Variants in SFXN5 observed in about 807,000 individuals in gnomAD.
SFXN5 encodes sideroflexin-5.
Under a neutral mutation model 50.2 loss-of-function variants are expected in SFXN5, and 43 were observed. The observed-to-expected ratio is 0.86, with a 90% confidence interval of 0.67 to 1.11. The LOEUF (loss-of-function observed/expected upper bound fraction) is 1.11, where lower values mean the gene tolerates loss of function less well. Ranked by LOEUF, SFXN5 falls within the 50% of genes least tolerant of loss-of-function variation. The pLI, the probability that SFXN5 is intolerant of heterozygous loss-of-function variation, is 0.00. For synonymous variants in SFXN5, 203 were observed against 185.8 expected, an observed-to-expected ratio of 1.09 and a Z score of -0.75; for missense variants, 463 against 454.1, an observed-to-expected ratio of 1.02 and a Z score of -0.18.
intron 2 of SFXN5, among the ~76,000 whole-genome samples, chr2:73,042,791 C>CA (rs1478313273): frequency 6.6e-6 from 1 of 150,740 alleles, no homozygotes; most frequent in Non-Finnish European, 1.5e-5. Flanking sequence ...GACCCTATCT[C>CA]AAAAAACAAC....
chr2:72,995,548 A>G (rs1673121315), intron 9 of SFXN5, among the ~76,000 whole-genome samples: 1 of 151,886 alleles, frequency 6.6e-6, no homozygotes, highest in Non-Finnish European at 1.5e-5. Context: ...GCTGGCCTCC[A>G]CTCCAGTTTG....
chr2:72,976,188 T>G (rs1225638684), intron 10 of SFXN5, among the ~76,000 whole-genome samples: 3 of 152,152 alleles, frequency 2.0e-5, no homozygotes, highest in South Asian at 4.1e-4. Context: ...GGAATTCAAT[T>G]TGAGAATTAG....
chr2:72,999,155 A>G, intron 8 of SFXN5, 141 bp from the exon 9 acceptor site: 1 of 787,178 alleles, frequency 1.3e-6, no homozygotes, highest in African/African-American at 1.7e-5. Flanking sequence ...CTCAGGACTC[A>G]AAGGGATCAG....
intron 1 of SFXN5, chr2:73,059,205 G>C (rs1188347230): frequency 1.0e-6 from 1 of 985,922 alleles, no homozygotes; most frequent in African/African-American, 1.7e-5. Context: ...AGGGCTTTAT[G>C]CTAAGCGCAG....
At chr2:72,998,688 C>G (rs1369308019) in intron 9 of SFXN5, 2 of 518,306 alleles carry the variant, frequency 3.9e-6, no homozygotes, top group East Asian at 3.3e-5. Flanking sequence ...CAGCCCCACT[C>G]AAGACAGATG....
At chr2:73,006,715 A>G (rs955293544) in intron 6 of SFXN5, among the ~76,000 whole-genome samples, 14 of 152,248 alleles carry the variant, frequency 9.2e-5, no homozygotes, top group Non-Finnish European at 1.9e-4. Flanking sequence ...TAGCTAATAC[A>G]CAGCTTACTA....
chr2:72,961,350 G>A lies in SFXN5; in HGVS notation c.828-102C>T, dbSNP rs544011765. 51 of 725,496 alleles carry A rather than the reference G, an allele frequency of 7.0e-5. No homozygotes were observed. Among genetic ancestry groups the A allele is most frequent in the African/African-American group, 9.2e-5 (5 of 54,248 alleles). The allele number at this position is 725,496 out of a possible 1,614,324, so 44.9% of individuals were successfully genotyped here. A position where few individuals can be genotyped will look rare whatever the true frequency, so the allele number is the denominator to read the frequency against. ...CACTCTGTCTCTGGGCCCAGGAAGC[G>A]TGGTTCCGGGGCAGTGCCAGTGTGC... On this transcript the variant is annotated intron_variant, in intron 12 of 13. Transcript: ENST00000272433. This position sits in a 1 kb window ranked among gnomAD's most constrained non-coding sequence, Gnocchi z 4.4.
chr2:73,020,291 C>G, intron 5 of SFXN5, 27 bp from the exon 6 acceptor site: 1 of 1,613,430 alleles, frequency 6.2e-7, no homozygotes, highest in South Asian at 1.1e-5. Flanking sequence ...AAGAGTCAGG[C>G]CTTATAATCC....
chr2:72,966,337 C>CA (rs1317645218), intron 12 of SFXN5, among the ~76,000 whole-genome samples: 2 of 152,216 alleles, frequency 1.3e-5, no homozygotes, highest in Non-Finnish European at 2.9e-5. Context: ...CAAGACTCAG[C>CA]AATCTCAAGG....
In SFXN5 at chr2:73,000,445, G is replaced by A. The variant is rs747949729; in HGVS notation, c.454C>T (p.Arg152Cys). 1.2e-5 allele frequency: 18 copies of A among 1,559,292 alleles called. No individual in the cohort carries two copies. Among genetic ancestry groups the A allele is most frequent in the Middle Eastern group, 3.3e-4 (2 of 6,020 alleles). ...GTGATGCTCACCTTGGTCGCATTGC[G>A]GTTTGCATAGTTGACACAGGCATTG... ...SHNACVNYAN[R>C]NATKPSPASK... The change falls in exon 8 of 14, where the codon CGC becomes TGC. Residue 152 changes from arginine to cysteine, a missense_variant. Transcript: ENST00000272433.
intron 1 of SFXN5, among the ~76,000 whole-genome samples, chr2:73,068,740 G>C (rs1001951631): frequency 1.3e-5 from 2 of 152,042 alleles, no homozygotes; most frequent in Non-Finnish European, 2.9e-5. Flanking sequence ...AAAGTCCATA[G>C]TCAACAGAGA....
chr2:72,994,862 T>C lies in SFXN5; in HGVS notation c.534+4087A>G, dbSNP rs1459165314. ...ACTCCCTACCCGGTGGCCGCCCTCC[T>C]GTTCTGAGCCCGGAGTTGGTCATGC... On this transcript the variant is annotated intron_variant, in intron 9 of 13. Coordinates refer to ENST00000272433, the MANE Select transcript of SFXN5 (RefSeq NM_144579.3). 6.6e-5 allele frequency: 10 copies of C among 152,410 alleles called. No individual in the cohort carries two copies. The East Asian group carries it at 1.7e-3, about 27-fold the overall frequency. 9.4% of individuals were successfully genotyped at this position (152,410 alleles called of 1,614,324 possible). A position where few individuals can be genotyped will look rare whatever the true frequency, so the allele number is the denominator to read the frequency against.
At chr2:72,997,316 T>G (rs1673365377) in intron 9 of SFXN5, 1 of 152,240 alleles carries the variant, frequency 6.6e-6, no homozygotes, top group African/African-American at 2.4e-5. Context: ...TGGGTAATTA[T>G]ACAGCCGTGA....
intron 1 of SFXN5, among the ~76,000 whole-genome samples, chr2:73,066,843 A>AAAAAG (rs139159939): frequency 6.6e-6 from 1 of 152,078 alleles, no homozygotes; most frequent in African/African-American, 2.4e-5. Context: ...CTCTACAAAA[A>AAAAAG]AAAAGAAAAG....
chr2:73,018,336 T>C (rs1487108024), intron 6 of SFXN5, among the ~76,000 whole-genome samples: 2 of 151,886 alleles, frequency 1.3e-5, no homozygotes, highest in Admixed American at 1.3e-4. Flanking sequence ...CAGAGAGTAC[T>C]GAAGCTCTCA....
chr2:73,056,685 C>CA (rs143472338), intron 2 of SFXN5, among the ~76,000 whole-genome samples: 3,327 of 80,564 alleles, frequency 0.041, 61 homozygotes, highest in African/African-American at 0.093. Flanking sequence ...AACTCCGTCT[C>CA]AAAAAAAAAA....
rs1325725740 is a variant in SFXN5, at chr2:72,953,546, C to A, written c.945+7585G>T. Among the ~76,000 whole-genome samples the A allele has an allele frequency of 2.0e-5, 3 of 152,236 alleles. No individual in the cohort carries two copies. The East Asian group carries it at 5.8e-4, about 30-fold the overall frequency. On this transcript the variant is annotated intron_variant, in intron 13 of 13. Transcript: ENST00000272433. The surrounding 1 kb of genome is among the most constrained non-coding windows in gnomAD (Gnocchi z 4.1). ...GAACCCAGATGAGCCACGCTCTGTA[C>A]TAGGTGTTGATAAAGGGCACCAGTT...
At chr2:73,064,505 G>A (rs1457493498) in intron 1 of SFXN5, among the ~76,000 whole-genome samples, 1 of 152,224 alleles carries the variant, frequency 6.6e-6, no homozygotes, top group East Asian at 1.9e-4. Context: ...CTCGCCTATA[G>A]GAAGTAAATG....
chr2:73,005,107 G>A (rs894824318), intron 6 of SFXN5, among the ~76,000 whole-genome samples: 1 of 152,124 alleles, frequency 6.6e-6, no homozygotes. Flanking sequence ...GGTGGAGAGC[G>A]CCCAGAATGT....
Sources: allele counts gnomAD v4.1 joint callset (sites outside exome capture counted in the v4.1 genomes callset), GRCh38; gene constraint gnomAD v4.1.1; non-coding constraint Gnocchi (gnomAD v3.1); transcripts MANE v1.5; gene names NCBI Gene and HGNC (gene_info 2026-07-23, HGNC 2026-07-21).